Variants in RBFOX1 observed in about 807,000 individuals in gnomAD.
The protein encoded by RBFOX1 is RNA binding fox-1 homolog 1.
Under a neutral mutation model 57.7 loss-of-function variants are expected in RBFOX1, and 8 were observed. The ratio of observed to expected loss-of-function variants is 0.14; its 90% CI spans 0.08 to 0.25. RBFOX1 has a LOEUF of 0.25. Among genes scored for constraint, RBFOX1 ranks in the 10% least tolerant of loss-of-function variants. RBFOX1 has a pLI of 1.00. For synonymous variants in RBFOX1, 326 were observed against 222.4 expected, an observed-to-expected ratio of 1.47 and a Z score of -4.15; for missense variants, 611 against 548.5, an observed-to-expected ratio of 1.11 and a Z score of -1.14.
At chr16:5,904,976 CAAA>C (rs57824134) in intron 4 of RBFOX1, among the ~76,000 whole-genome samples, 5 of 66,812 alleles carry the variant, frequency 7.5e-5, no homozygotes, top group Non-Finnish European at 1.0e-4. Flanking sequence ...GACTCCGTCT[CAAA>C]AAAAAAAAAA....
At chr16:5,614,824 G>A (rs2047961344) in intron 3 of RBFOX1, among the ~76,000 whole-genome samples, 1 of 152,144 alleles carries the variant, frequency 6.6e-6, no homozygotes, top group East Asian at 1.9e-4. Context: ...TCCTGGCCAA[G>A]ATAATATGCT....
At chr16:6,248,648 G>A (rs879655473) in intron 1 of RBFOX1, among the ~76,000 whole-genome samples, 1 of 151,970 alleles carries the variant, frequency 6.6e-6, no homozygotes, top group Non-Finnish European at 1.5e-5. Context: ...TTGGGGGGAG[G>A]TATTTTAATT....
rs140697271 is a variant in RBFOX1, at chr16:6,636,159, G to A, written c.-63-18444G>A. 3.9e-5 allele frequency among the ~76,000 whole-genome samples: 6 copies of A among 152,160 alleles called. No individual in the cohort carries two copies. In the South Asian group the frequency reaches 8.3e-4, roughly 21 times the overall value. ...GCAGTCAGACAGTTTTGGATTTGGG[G>A]GCACTTGGATTTGGGATTTTTTCTT... On this transcript the variant is annotated intron_variant, in intron 2 of 15. Transcript: ENST00000550418.
intron 3 of RBFOX1, among the ~76,000 whole-genome samples, chr16:6,878,131 T>C (rs901345342): frequency 6.6e-6 from 1 of 151,974 alleles, no homozygotes; most frequent in African/African-American, 2.4e-5. Context: ...CTAAGAGAAG[T>C]GATAGCTAAT....
chr16:5,471,233 G>C (rs1433411657), intron 2 of RBFOX1, among the ~76,000 whole-genome samples: 2 of 152,222 alleles, frequency 1.3e-5, no homozygotes, highest in South Asian at 2.1e-4. Context: ...AGTCGGATGT[G>C]AGAAAATGGG....
chr16:7,124,350 G>T (rs1403221312), intron 4 of RBFOX1, among the ~76,000 whole-genome samples: 1 of 152,124 alleles, frequency 6.6e-6, no homozygotes, highest in African/African-American at 2.4e-5. Flanking sequence ...GGAGGTTGAG[G>T]CTGCAGTAAG....
At chr16:5,724,682 C>T (rs532456312) in intron 3 of RBFOX1, among the ~76,000 whole-genome samples, 2 of 152,152 alleles carry the variant, frequency 1.3e-5, no homozygotes, top group African/African-American at 2.4e-5. Context: ...CTTCACTTCT[C>T]CCATCACACA....
intron 4 of RBFOX1, among the ~76,000 whole-genome samples, chr16:7,346,213 A>C (rs1213651017): frequency 6.6e-6 from 1 of 151,960 alleles, no homozygotes; most frequent in African/African-American, 2.4e-5. Flanking sequence ...ACATTTTCTT[A>C]ATCCAGTCTG....
chr16:5,448,363 C>G (rs75968214), intron 1 of RBFOX1, among the ~76,000 whole-genome samples: 4,657 of 152,080 alleles, frequency 0.031, 264 homozygotes, highest in African/African-American at 0.11. Context: ...GGCAAAAAAA[C>G]TGGAATAAGG....
At chr16:6,907,132 A>G (rs2070212517) in intron 3 of RBFOX1, among the ~76,000 whole-genome samples, 2 of 152,224 alleles carry the variant, frequency 1.3e-5, no homozygotes, top group African/African-American at 4.8e-5. Flanking sequence ...GCATTTCACA[A>G]TATCTGTAGA....
intron 3 of RBFOX1, among the ~76,000 whole-genome samples, chr16:5,709,908 G>A (rs1399715040): frequency 6.6e-5 from 8 of 120,436 alleles, no homozygotes; most frequent in Non-Finnish European, 1.7e-5. Context: ...CAACGGCCCC[G>A]TGAATTATGC....
intron 14 of RBFOX1, among the ~76,000 whole-genome samples, chr16:7,688,792 A>C (rs1450069622): frequency 6.6e-6 from 1 of 152,108 alleles, no homozygotes; most frequent in Non-Finnish European, 1.5e-5. Context: ...GCCATTTCAT[A>C]ATCAAGTTGT....
chr16:6,531,793 C>G (rs969438287), intron 2 of RBFOX1, among the ~76,000 whole-genome samples: 2 of 152,086 alleles, frequency 1.3e-5, no homozygotes, highest in Non-Finnish European at 2.9e-5. Context: ...GAGTATCAAC[C>G]CAATTTACGA....
In RBFOX1 at chr16:6,186,625, C is replaced by T. The variant is rs74006921; in HGVS notation, c.-126-130370C>T. On this transcript the variant is annotated intron_variant, in intron 1 of 15. Coordinates refer to ENST00000550418, the MANE Select transcript of RBFOX1 (RefSeq NM_018723.4). ...GAGTGTGGCTTGGTGTGGACCATGCCATAGGCTGTATTTGGATGGATTATG... is the reference window on the plus strand; with the variant it reads ...GAGTGTGGCTTGGTGTGGACCATGCTATAGGCTGTATTTGGATGGATTATG... Among the ~76,000 whole-genome samples the T allele has an allele frequency of 6.5e-3, 991 of 152,110 alleles. 8 individuals are homozygous for T. Among genetic ancestry groups the T allele is most frequent in the African/African-American group, 0.022 (893 of 41,502 alleles).
chr16:7,027,618 G>T (rs143699393), intron 3 of RBFOX1, among the ~76,000 whole-genome samples: 6 of 152,118 alleles, frequency 3.9e-5, no homozygotes, highest in African/African-American at 1.2e-4. Context: ...AGAATGCATA[G>T]AATTTAATCC....
At chr16:5,632,637 C>G (rs749103250) in intron 3 of RBFOX1, 1 of 152,182 alleles carries the variant, frequency 6.6e-6, no homozygotes. Context: ...AGCCACCTAG[C>G]CCAACTATGT....
chr16:7,008,334 G>T (rs1413370534), intron 3 of RBFOX1, among the ~76,000 whole-genome samples: 2 of 152,078 alleles, frequency 1.3e-5, no homozygotes, highest in Non-Finnish European at 2.9e-5. Context: ...CTGAGGCCAG[G>T]AGTTTGAGAC....
chr16:5,462,600 A>C (rs2068826633), intron 1 of RBFOX1, among the ~76,000 whole-genome samples: 1 of 152,190 alleles, frequency 6.6e-6, no homozygotes, highest in Non-Finnish European at 1.5e-5. Flanking sequence ...TGAACTACCA[A>C]ATTCCTAAAA....
intron 4 of RBFOX1, among the ~76,000 whole-genome samples, chr16:7,255,600 C>G (rs1034635083): frequency 6.6e-6 from 1 of 151,974 alleles, no homozygotes; most frequent in Non-Finnish European, 1.5e-5. Flanking sequence ...CATGCATGGG[C>G]GTATCCCTAA....
Sources: gnomAD v4.1 joint callset for allele counts (sites outside exome capture counted in the v4.1 genomes callset) on GRCh38, gnomAD v4.1.1 for gene constraint, MANE v1.5 for transcripts, NCBI Gene and HGNC (gene_info 2026-07-23, HGNC 2026-07-21) for gene names.